ANKRD9: variants seen among roughly 807,000 people sequenced by gnomAD.
The protein encoded by ANKRD9 is ankyrin repeat domain 9.
Under a neutral mutation model 19.2 loss-of-function variants are expected in ANKRD9, and 13 were observed. The observed-to-expected ratio is 0.68, with a 90% CI of 0.44 to 1.08. The LOEUF is 1.08. Ranked by LOEUF, ANKRD9 falls within the 50% of genes least tolerant of loss-of-function variation. The pLI is 0.00. For synonymous variants in ANKRD9, 278 were observed against 256.8 expected (o/e 1.08, Z -0.79); for missense variants, 518 against 499.9 (o/e 1.04, Z -0.34).
In ANKRD9 at chr14:102,507,233, T is replaced by C. The variant is rs1240638261; in HGVS notation, c.657A>G (p.Ser219=). ...ATPSAAGAPA[S]APGEPRQRRL... ...GGCGCTGGCGCGGCTCCCCGGGAGCTGAGGCGGGGGCTCCGGCGGCGGAGG... is the reference window on the plus strand; with the variant it reads ...GGCGCTGGCGCGGCTCCCCGGGAGCCGAGGCGGGGGCTCCGGCGGCGGAGG... The change falls in exon 4 of 4, where the codon TCA becomes TCG. Residue 219 remains serine (S), a synonymous_variant. Coordinates refer to ENST00000286918, the MANE Select transcript of ANKRD9 (RefSeq NM_152326.4). This position sits in a 1 kb window ranked among gnomAD's most constrained non-coding sequence, Gnocchi z 9.2. The C allele has an allele frequency of 8.0e-7, 1 of 1,253,794 alleles. No individual in the cohort carries two copies. The highest frequency in any genetic ancestry group is 1.0e-6 in the Non-Finnish European group (1 of 1,000,108). The allele number at this position is 1,253,794 out of a possible 1,614,324, so 77.7% of individuals were successfully genotyped here. A position where few individuals can be genotyped will look rare whatever the true frequency, so the allele number is the denominator to read the frequency against.
chr14:102,503,817 G>A lies in ANKRD9; in HGVS notation c.*3119C>T, dbSNP rs147734450. ...TCTTCTGTGACTAAACTTGTTTTCC[G>A]CCCTCCCAACTTCCAGGAAGAACCT... On this transcript the variant is annotated 3_prime_UTR_variant, in exon 4 of 4. Coordinates refer to ENST00000286918, the MANE Select transcript of ANKRD9 (RefSeq NM_152326.4). 7.7e-3 allele frequency: 1,177 copies of A among 152,240 alleles called. 2 individuals are homozygous for A. Among genetic ancestry groups the A allele is most frequent in the Non-Finnish European group, 0.011 (743 of 68,034 alleles). 9.4% of individuals were successfully genotyped at this position (152,240 alleles called of 1,614,324 possible).
chr14:102,502,417 A>T lies in ANKRD9; in HGVS notation c.*4519T>A, dbSNP rs1245447514. 1 of 152,646 alleles carries T rather than the reference A, an allele frequency of 6.6e-6. No homozygotes were observed. Among genetic ancestry groups the T allele is most frequent in the Non-Finnish European group, 1.5e-5 (1 of 68,044 alleles). 9.5% of individuals were successfully genotyped at this position (152,646 alleles called of 1,614,324 possible). A position where few individuals can be genotyped will look rare whatever the true frequency, so the allele number is the denominator to read the frequency against. On this transcript the variant is annotated 3_prime_UTR_variant, in exon 4 of 4. Coordinates refer to ENST00000286918, the MANE Select transcript of ANKRD9 (RefSeq NM_152326.4). ...GTATATGCCTTTTTGTATCCTTTGAATTTCCAGCCATGTAAATGTATTATT... is the reference window on the plus strand; with the variant it reads ...GTATATGCCTTTTTGTATCCTTTGATTTTCCAGCCATGTAAATGTATTATT...
rs1309882153 is a variant in ANKRD9, at chr14:102,507,179, C to T, written c.711G>A (p.Leu237=). The T allele has an allele frequency of 1.2e-4, 168 of 1,383,978 alleles. No homozygotes were observed. Among genetic ancestry groups the T allele is most frequent in the Non-Finnish European group, 1.5e-4 (159 of 1,076,492 alleles). 85.7% of individuals were successfully genotyped at this position (1,383,978 alleles called of 1,614,324 possible). ...AGCCGGCGGCACCCACGGGGGTGTACAGCGCCAGGAGGTCCAGCAGCAGCA... is the reference window on the plus strand; with the variant it reads ...AGCCGGCGGCACCCACGGGGGTGTATAGCGCCAGGAGGTCCAGCAGCAGCA... The part of the protein sequence containing the change: ...RRLLLLDLLA[L]YTPVGAAGSA... Residue 237 remains leucine, a synonymous_variant, in exon 4 of 4, where the codon CTG becomes CTA. Coordinates refer to ENST00000286918, the MANE Select transcript of ANKRD9 (RefSeq NM_152326.4). The surrounding 1 kb of genome is among the most constrained non-coding windows in gnomAD (Gnocchi z 9.2).
In ANKRD9 at chr14:102,507,828, G is replaced by C; in HGVS notation, c.62C>G (p.Ala21Gly). ...CTGCTTCTGCGCTCGCGAGCGCGCCGCGCCCGAGGCCTCGGGCCCGCCGTC... is the reference window on the plus strand; with the variant it reads ...CTGCTTCTGCGCTCGCGAGCGCGCCCCGCCCGAGGCCTCGGGCCCGCCGTC... The part of the protein sequence containing the change: ...GADGGPEASG[A>G]ARSRAQKQCR... The change falls in exon 4 of 4, where the codon GCG (alanine) becomes GGG (glycine). Residue 21 changes from alanine (A) to glycine (G), a missense_variant. Ala to Gly is a moderately conservative substitution (Grantham distance 60). Coordinates refer to ENST00000286918, the MANE Select transcript of ANKRD9 (RefSeq NM_152326.4). This position sits in a 1 kb window ranked among gnomAD's most constrained non-coding sequence, Gnocchi z 9.2. 7.4e-7 allele frequency: 1 copy of C among 1,359,570 alleles called. No individual in the cohort carries two copies. The allele number at this position is 1,359,570 out of a possible 1,614,324, so 84.2% of individuals were successfully genotyped here.
In ANKRD9 at chr14:102,507,068, C is replaced by A; in HGVS notation, c.822G>T (p.Ala274=). 2 of 1,539,496 alleles carry A rather than the reference C, an allele frequency of 1.3e-6. No individual in the cohort carries two copies. Among genetic ancestry groups the A allele is most frequent in the Admixed American group, 2.0e-5 (1 of 50,932 alleles). ...TGGCGCGCGCGAAGAGCGAGGGCGG[C>A]GCCAGGCCCGCCAGCCACTGGAACT... ...EDKFQWLAGL[A]PPSLFARAMQ... The change falls in exon 4 of 4, where the codon GCG becomes GCT. Residue 274 remains alanine, a synonymous_variant. Transcript: ENST00000286918. This position sits in a 1 kb window ranked among gnomAD's most constrained non-coding sequence, Gnocchi z 9.2.
In ANKRD9 at chr14:102,507,885, G is replaced by A. The variant is rs1567373552; in HGVS notation, c.5C>T (p.Pro2Leu). The change falls in exon 4 of 4, where the codon CCG becomes CTG. Residue 2 changes from proline (P) to leucine (L), a missense_variant. Pro to Leu is a moderately conservative substitution (Grantham distance 98, BLOSUM62 -3). Transcript: ENST00000286918. This position sits in a 1 kb window ranked among gnomAD's most constrained non-coding sequence, Gnocchi z 9.2. M[P>L]WDARRPGGGA... is the part of the protein sequence containing the mutation. ...ACCCCCAGGCCGCCGCGCGTCCCAC[G>A]GCATGCTGGCGGCGGGGCGTTCCTG... 1.8e-6 allele frequency: 2 copies of A among 1,121,666 alleles called. No individual in the cohort carries two copies. Among genetic ancestry groups the A allele is most frequent in the African/African-American group, 1.7e-5 (1 of 59,608 alleles). The allele number at this position is 1,121,666 out of a possible 1,614,324, so 69.5% of individuals were successfully genotyped here. A position where few individuals can be genotyped will look rare whatever the true frequency, so the allele number is the denominator to read the frequency against.
chr14:102,504,212 G>A lies in ANKRD9; in HGVS notation c.*2724C>T, dbSNP rs1891522191. 1 of 152,328 alleles carries A rather than the reference G, an allele frequency of 6.6e-6. No homozygotes were observed. The highest frequency in any genetic ancestry group is 2.4e-5 in the African/African-American group (1 of 41,460). 9.4% of individuals were successfully genotyped at this position (152,328 alleles called of 1,614,324 possible). ...GGGATTCGGGGCCCTTGGGAACACT[G>A]GGCACCTGGTGGGTGGGTGGAGGGG... On this transcript the variant is annotated 3_prime_UTR_variant, in exon 4 of 4. Coordinates refer to ENST00000286918, the MANE Select transcript of ANKRD9 (RefSeq NM_152326.4).
At position 102,506,961 on chromosome 14, in the gene ANKRD9, G is replaced by T. The variant is rs764334118; in HGVS notation, c.929C>A (p.Pro310Gln). Residue 310 changes from proline to glutamine, a missense_variant, in exon 4 of 4, where the codon CCG becomes CAG. Pro to Gln is a moderately conservative substitution (Grantham distance 76, BLOSUM62 -1). Transcript: ENST00000286918. ...DELPLPPFLQ[P>Q]LDLTGKG ...CTAGCCTTTGCCAGTGAGGTCCAAC[G>T]GCTGCAGGAATGGGGGCAGCGGCAG... 4 of 1,550,480 alleles carry T rather than the reference G, an allele frequency of 2.6e-6. No homozygotes were observed. The South Asian group carries it at 4.7e-5, about 18-fold the overall frequency.
intron 1 of ANKRD9, chr14:102,509,061 C>T (rs1258606587): frequency 6.6e-6 from 1 of 152,370 alleles, no homozygotes; most frequent in Non-Finnish European, 1.5e-5. Context: ...GGACAGAAGG[C>T]AGGCCGCGTC....
At position 102,504,758 on chromosome 14, in the gene ANKRD9, A is replaced by C. The variant is rs1595156553; in HGVS notation, c.*2178T>G. ...CTTCCTCTGACTTCCCTGTCCCCTC[A>C]CCCAAATCGATGACATCAGGAGCTA... is the stretch of plus-strand genomic sequence containing the variant. On this transcript the variant is annotated 3_prime_UTR_variant, in exon 4 of 4. Coordinates refer to ENST00000286918, the MANE Select transcript of ANKRD9 (RefSeq NM_152326.4). The C allele has an allele frequency of 6.6e-6, 1 of 152,398 alleles. No individual in the cohort carries two copies. The highest frequency in any genetic ancestry group is 2.4e-5 in the African/African-American group (1 of 41,398). The allele number at this position is 152,398 out of a possible 1,614,324, so 9.4% of individuals were successfully genotyped here. A position where few individuals can be genotyped will look rare whatever the true frequency, so the allele number is the denominator to read the frequency against.
In ANKRD9 at chr14:102,507,042, A is replaced by T; in HGVS notation, c.848T>A (p.Met283Lys). ...LAPPSLFARA[M>K]QVLVTAISPG... Reference sequence around the variant, plus strand: ...AGAGATGGCGGTGACCAGCACCTGCATGGCGCGCGCGAAGAGCGAGGGCGG... The same window carrying T: ...AGAGATGGCGGTGACCAGCACCTGCTTGGCGCGCGCGAAGAGCGAGGGCGG... Residue 283 changes from methionine to lysine, a missense_variant, in exon 4 of 4, where the codon ATG (methionine) becomes AAG (lysine). Transcript: ENST00000286918. This position sits in a 1 kb window ranked among gnomAD's most constrained non-coding sequence, Gnocchi z 9.2. The T allele has an allele frequency of 6.3e-7, 1 of 1,579,990 alleles. No homozygotes were observed.
chr14:102,507,285 T>A lies in ANKRD9; in HGVS notation c.605A>T (p.Gln202Leu). The A allele has an allele frequency of 8.2e-7, 1 of 1,213,784 alleles. No homozygotes were observed. Among genetic ancestry groups the A allele is most frequent in the Non-Finnish European group, 1.0e-6 (1 of 973,024 alleles). The allele number at this position is 1,213,784 out of a possible 1,614,324, so 75.2% of individuals were successfully genotyped here. Residue 202 changes from glutamine to leucine, a missense_variant, in exon 4 of 4, where the codon CAG (glutamine) becomes CTG (leucine). By Grantham distance (113) the Gln-to-Leu change is moderately radical. Transcript: ENST00000286918. The surrounding 1 kb of genome is among the most constrained non-coding windows in gnomAD (Gnocchi z 9.2). ...AGTGGCCCCGGCGTCGCGGCCCAGCTGGCGCAGCAGCAGCTCGAGAGGCGT... is the reference window on the plus strand; with the variant it reads ...AGTGGCCCCGGCGTCGCGGCCCAGCAGGCGCAGCAGCAGCTCGAGAGGCGT... ...GLTPLELLLR[Q>L]LGRDAGATPS...
rs529725849 is a variant in ANKRD9, at chr14:102,505,282, C to G, written c.*1654G>C. 3 of 151,902 alleles carry G rather than the reference C, an allele frequency of 2.0e-5. No individual in the cohort carries two copies. Among genetic ancestry groups the G allele is most frequent in the African/African-American group, 4.8e-5 (2 of 41,244 alleles). 9.4% of individuals were successfully genotyped at this position (151,902 alleles called of 1,614,324 possible). A position where few individuals can be genotyped will look rare whatever the true frequency, so the allele number is the denominator to read the frequency against. ...TCCAAAGGAGAGGCACCTCCCCCCC[C>G]CATGGCATCTCCAATCTGAGGACCT... On this transcript the variant is annotated 3_prime_UTR_variant, in exon 4 of 4. Transcript: ENST00000286918.
At position 102,507,823 on chromosome 14, in the gene ANKRD9, G is replaced by T. The variant is rs1006227767; in HGVS notation, c.67C>A (p.Arg23Ser). ...CGGCACTGCTTCTGCGCTCGCGAGC[G>T]CGCCGCGCCCGAGGCCTCGGGCCCG... ...DGGPEASGAA[R>S]SRAQKQCRKS... The change falls in exon 4 of 4, where the codon CGC (arginine) becomes AGC (serine). Residue 23 changes from arginine (R) to serine (S), a missense_variant. Transcript: ENST00000286918. This position sits in a 1 kb window ranked among gnomAD's most constrained non-coding sequence, Gnocchi z 9.2. 5.6e-5 allele frequency: 77 copies of T among 1,373,548 alleles called. No homozygotes were observed. The highest frequency in any genetic ancestry group is 7.1e-5 in the Non-Finnish European group (74 of 1,047,984). The allele number at this position is 1,373,548 out of a possible 1,614,324, so 85.1% of individuals were successfully genotyped here.
chr14:102,509,318 C>T (rs1061924), intron 1 of ANKRD9: 45,781 of 152,002 alleles, frequency 0.3, 7,662 homozygotes, highest in East Asian at 0.53. Context: ...GTTGGGCCAT[C>T]GAAGGCAGCG....
Position 102,506,472 on chromosome 14 carries a change from C to G in ANKRD9, c.*464G>C, listed in dbSNP as rs548051953. 6.4e-6 allele frequency: 1 copy of G among 156,640 alleles called. No homozygotes were observed. Among genetic ancestry groups the G allele is most frequent in the Non-Finnish European group, 1.4e-5 (1 of 71,224 alleles). 9.7% of individuals were successfully genotyped at this position (156,640 alleles called of 1,614,324 possible). A position where few individuals can be genotyped will look rare whatever the true frequency, so the allele number is the denominator to read the frequency against. On this transcript the variant is annotated 3_prime_UTR_variant, in exon 4 of 4. Transcript: ENST00000286918. ...ACCAGCCACCGCGGGCCTGCCAGCC[C>G]TGTGTGCCCTCCCTGGCCCGGAGTC...
In ANKRD9 at chr14:102,507,175, T is replaced by C. The variant is rs1273853639; in HGVS notation, c.715A>G (p.Thr239Ala). The change falls in exon 4 of 4, where the codon ACC becomes GCC. Residue 239 changes from threonine to alanine, a missense_variant. Transcript: ENST00000286918. The surrounding 1 kb of genome is among the most constrained non-coding windows in gnomAD (Gnocchi z 9.2). ...GCCGAGCCGGCGGCACCCACGGGGG[T>C]GTACAGCGCCAGGAGGTCCAGCAGC... The part of the protein sequence containing the change: ...LLLLDLLALY[T>A]PVGAAGSARQ... The C allele has an allele frequency of 1.5e-5, 21 of 1,389,152 alleles. No individual in the cohort carries two copies. Among genetic ancestry groups the C allele is most frequent in the Non-Finnish European group, 1.8e-5 (19 of 1,079,302 alleles). The allele number at this position is 1,389,152 out of a possible 1,614,324, so 86.1% of individuals were successfully genotyped here. A position where few individuals can be genotyped will look rare whatever the true frequency, so the allele number is the denominator to read the frequency against.
At position 102,502,841 on chromosome 14, in the gene ANKRD9, GTT is replaced by G. The variant is rs1260536440; in HGVS notation, c.*4093_*4094del. 1 of 152,226 alleles carries G rather than the reference GTT, an allele frequency of 6.6e-6. No individual in the cohort carries two copies. Among genetic ancestry groups the G allele is most frequent in the Non-Finnish European group, 1.5e-5 (1 of 68,060 alleles). The allele number at this position is 152,226 out of a possible 1,614,324, so 9.4% of individuals were successfully genotyped here. A position where few individuals can be genotyped will look rare whatever the true frequency, so the allele number is the denominator to read the frequency against. On this transcript the variant is annotated 3_prime_UTR_variant, in exon 4 of 4. Coordinates refer to ENST00000286918, the MANE Select transcript of ANKRD9 (RefSeq NM_152326.4). The stretch of plus-strand genomic sequence containing the variant: ...GGGGCGGTGGGGCGCTTGAGACAGT[GTT>G]TCCCTGCATCGTGGCCGGACCTCTC...
Position 102,506,811 on chromosome 14 carries a change from C to A in ANKRD9, c.*125G>T. 1 of 1,236,750 alleles carries A rather than the reference C, an allele frequency of 8.1e-7. No homozygotes were observed. The highest frequency in any genetic ancestry group is 1.6e-5 in the African/African-American group (1 of 64,116). 76.6% of individuals were successfully genotyped at this position (1,236,750 alleles called of 1,614,324 possible). On this transcript the variant is annotated 3_prime_UTR_variant, in exon 4 of 4. Transcript: ENST00000286918. ...AACTCACCTGACCATCCAAGCCCAG[C>A]CCCCAGTGCATGCGACAGATGAGGC...
Sources: gnomAD v4.1 joint callset for allele counts on GRCh38, gnomAD v4.1.1 for gene constraint, Gnocchi (gnomAD v3.1) non-coding constraint, MANE v1.5 for transcripts, NCBI Gene and HGNC (gene_info 2026-07-23, HGNC 2026-07-21) for gene names.